Variants in CFAP206 observed in about 807,000 individuals in gnomAD.
CFAP206 encodes the protein cilia- and flagella-associated protein 206.
A neutral mutation model predicts 65.4 loss-of-function variants in CFAP206; 53 were observed. The ratio of observed to expected loss-of-function variants is 0.81; its 90% CI spans 0.65 to 1.02. The LOEUF (loss-of-function observed/expected upper bound fraction) is 1.02. Ranked by LOEUF, CFAP206 falls within the 50% of genes least tolerant of loss-of-function variation. CFAP206 has a pLI of 0.00. For missense variants in CFAP206, 663 were observed against 753.2 expected (o/e 0.88, Z 1.40); for synonymous variants, 250 against 254.4 (o/e 0.98, Z 0.17).
At chr6:87,438,082 C>G (rs1768304090) in intron 11 of CFAP206, among the ~76,000 whole-genome samples, 1 of 151,908 alleles carries the variant, frequency 6.6e-6, no homozygotes. Context: ...AATACACTTG[C>G]CATAGTAAAC....
chr6:87,448,965 T>C (rs1008699969), intron 11 of CFAP206, among the ~76,000 whole-genome samples: 2 of 152,168 alleles, frequency 1.3e-5, no homozygotes, highest in African/African-American at 4.8e-5. Context: ...GTGATAAACA[T>C]AGGAGTGCAG....
chr6:87,416,727 G>A lies in CFAP206; in HGVS notation c.531G>A (p.Lys177=), dbSNP rs1562243697. The A allele has an allele frequency of 1.2e-6, 2 of 1,613,138 alleles. No individual in the cohort carries two copies. The highest frequency in any genetic ancestry group is 1.1e-5 in the South Asian group (1 of 91,044). The change falls in exon 6 of 13, where the codon AAG becomes AAA. Residue 177 remains lysine, a synonymous_variant. Coordinates refer to ENST00000369562, the MANE Select transcript of CFAP206 (RefSeq NM_001031743.3). ...AELGTFLTLS[K]KDKERQLKEL... Reference sequence around the variant, plus strand: ...TTGGGACATTTCTAACTCTTTCTAAGAAGGACAAAGAACGCCAGCTGAAAG... The same window carrying A: ...TTGGGACATTTCTAACTCTTTCTAAAAAGGACAAAGAACGCCAGCTGAAAG...
At chr6:87,408,376 C>T in intron 1 of CFAP206, 1 of 152,580 alleles carries the variant, frequency 6.6e-6, no homozygotes, top group Non-Finnish European at 1.5e-5. Context: ...GAAGCCGGAC[C>T]TCGGGAGACT....
intron 11 of CFAP206, chr6:87,435,626 CT>C (rs1768251919): frequency 6.6e-6 from 1 of 152,156 alleles, no homozygotes; most frequent in African/African-American, 2.4e-5. Flanking sequence ...TTCTAATGTT[CT>C]TCCTCTTTGT....
chr6:87,461,993 A>G (rs1482318148), intron 12 of CFAP206, among the ~76,000 whole-genome samples: 1 of 152,232 alleles, frequency 6.6e-6, no homozygotes, highest in East Asian at 1.9e-4. Flanking sequence ...CAGGCTAACT[A>G]GAAGCAGGGC....
At chr6:87,408,121 C>A in intron 1 of CFAP206, 32 bp downstream of exon 1, 1 of 971,086 alleles carries the variant, frequency 1.0e-6, no homozygotes, top group Non-Finnish European at 1.2e-6. Context: ...CGCCCTTGAC[C>A]CGGAGGCGTA....
rs144449163 is a variant in CFAP206 at position 87,420,433 on chromosome 6, G to A, written c.840+2017G>A. On this transcript the variant is annotated intron_variant, in intron 7 of 12. Transcript: ENST00000369562. The stretch of plus-strand genomic sequence containing the variant: ...ATTGGCGTTCTACTTCTCACAGCTG[G>A]AGAGGACAGTGAGTAAAATGTAGAA... Among the ~76,000 whole-genome samples, 456 of 152,306 alleles carry A rather than the reference G, an allele frequency of 3.0e-3. 2 individuals are homozygous for A. Among genetic ancestry groups the A allele is most frequent in the African/African-American group, 0.011 (441 of 41,558 alleles).
In CFAP206 at chr6:87,428,683, G is replaced by A. The variant is rs776034016; in HGVS notation, c.1018G>A (p.Val340Ile). The change falls in exon 9 of 13, where the codon GTT becomes ATT. Residue 340 changes from valine (V) to isoleucine (I), a missense_variant. Physicochemically the swap from Val to Ile is conservative, Grantham distance 29. Transcript: ENST00000369562. ...WTSLQDETIV[V>I]GVLSNLFTHI... ...CAGCTTGCAAGACGAAACTATTGTG[G>A]TTGGTGTCCTCAGTAATTTATTCAC... 22 of 1,614,078 alleles carry A rather than the reference G, an allele frequency of 1.4e-5. No individual in the cohort carries two copies. The highest frequency in any genetic ancestry group is 1.9e-5 in the Non-Finnish European group (22 of 1,180,014).
At chr6:87,428,521 G>T in intron 8 of CFAP206, 105 bp from the exon 9 acceptor site, 1 of 1,071,648 alleles carries the variant, frequency 9.3e-7, no homozygotes, top group Non-Finnish European at 1.4e-6. Flanking sequence ...TGCTTAGGGA[G>T]AATTAACTTC....
At chr6:87,430,998 T>A (rs1391102098) in intron 9 of CFAP206, 35 bp from the exon 10 acceptor site, 1 of 1,599,714 alleles carries the variant, frequency 6.3e-7, no homozygotes, top group South Asian at 1.1e-5. Flanking sequence ...ACCTTCTCAC[T>A]GAATTAAAGC....
chr6:87,439,819 G>A (rs1270154611), intron 11 of CFAP206, among the ~76,000 whole-genome samples: 3 of 151,842 alleles, frequency 2.0e-5, no homozygotes, highest in African/African-American at 4.8e-5. Flanking sequence ...GATCTACAGT[G>A]TCTTATCAAT....
At position 87,416,655 on chromosome 6, in the gene CFAP206, C is replaced by A; in HGVS notation, c.473-14C>A. On this transcript the variant is annotated splice_polypyrimidine_tract_variant and intron_variant, in intron 5 of 12. Coordinates refer to ENST00000369562, the MANE Select transcript of CFAP206 (RefSeq NM_001031743.3). ...CATTTTGTTTTCCTTTTTTTTTTTT[C>A]TGGTTTATTTTAGCTGCTCTACAGA... is the stretch of plus-strand genomic sequence containing the variant. 7.6e-7 allele frequency: 1 copy of A among 1,315,040 alleles called. No individual in the cohort carries two copies. Among genetic ancestry groups the A allele is most frequent in the Non-Finnish European group, 9.8e-7 (1 of 1,018,308 alleles). The allele number at this position is 1,315,040 out of a possible 1,614,324, so 81.5% of individuals were successfully genotyped here. A position where few individuals can be genotyped will look rare whatever the true frequency, so the allele number is the denominator to read the frequency against.
At chr6:87,430,461 G>A (rs1562247144) in intron 9 of CFAP206, among the ~76,000 whole-genome samples, 1 of 152,152 alleles carries the variant, frequency 6.6e-6, no homozygotes, top group Non-Finnish European at 1.5e-5. Context: ...TACACACCTT[G>A]TTATCAAAAT....
At chr6:87,455,628 C>T (rs1339865182) in intron 11 of CFAP206, among the ~76,000 whole-genome samples, 1 of 151,660 alleles carries the variant, frequency 6.6e-6, no homozygotes, top group African/African-American at 2.4e-5. Flanking sequence ...TTTAGCCAGG[C>T]TAGGAAAACA....
chr6:87,425,409 AAT>A (rs1389607518), intron 7 of CFAP206, among the ~76,000 whole-genome samples: 1 of 152,200 alleles, frequency 6.6e-6, no homozygotes, highest in Non-Finnish European at 1.5e-5. Flanking sequence ...CATAAAGTCA[AAT>A]ATATCTTTTA....
At chr6:87,419,844 C>T (rs1421906865) in intron 7 of CFAP206, among the ~76,000 whole-genome samples, 1 of 152,154 alleles carries the variant, frequency 6.6e-6, no homozygotes, top group African/African-American at 2.4e-5. Flanking sequence ...AGCTGGGAGG[C>T]TGAGGTTAGA....
At chr6:87,429,225 T>G (rs894773251) in intron 9 of CFAP206, among the ~76,000 whole-genome samples, 19 of 137,328 alleles carry the variant, frequency 1.4e-4, no homozygotes, top group Non-Finnish European at 2.2e-4. Flanking sequence ...AGACTCCATC[T>G]CAAAAAGAAA....
chr6:87,459,778 G>A (rs9450698), intron 11 of CFAP206, among the ~76,000 whole-genome samples: 40,160 of 152,042 alleles, frequency 0.26, 5,607 homozygotes, highest in Admixed American at 0.37. Context: ...ACAGTGAAAG[G>A]CTAGAATCAG....
At position 87,448,149 on chromosome 6, in the gene CFAP206, CCT is replaced by C. The variant is rs1466282767; in HGVS notation, c.1495-12872_1495-12871del. The stretch of plus-strand genomic sequence containing the variant: ...GGCACCAGCATGTGATGTTCCCCTC[CCT>C]GTGTCCATGTGTTTTCATTATTCAA... On this transcript the variant is annotated intron_variant, in intron 11 of 12. Transcript: ENST00000369562. Among the ~76,000 whole-genome samples, 6 of 152,120 alleles carry C rather than the reference CCT, an allele frequency of 3.9e-5. No homozygotes were observed. In the East Asian group the frequency reaches 1.2e-3, roughly 29 times the overall value.
Sources: allele counts gnomAD v4.1 joint callset (sites outside exome capture counted in the v4.1 genomes callset), GRCh38; gene constraint gnomAD v4.1.1; transcripts MANE v1.5; gene names NCBI Gene and HGNC (gene_info 2026-07-23, HGNC 2026-07-21).